The following EVI5 variants were observed in gnomAD, a reference collection of about 807,000 sequenced individuals.
EVI5 encodes the protein ecotropic viral integration site 5 protein homolog.
EVI5 carries 73 observed loss-of-function variants against 112.0 expected under a neutral mutation model. The ratio of observed to expected loss-of-function variants is 0.65; its 90% CI spans 0.54 to 0.79. The LOEUF is 0.79. Among genes scored for constraint, EVI5 ranks in the 30% least tolerant of loss-of-function variants. The probability of loss-of-function intolerance (pLI) is 0.00; values close to 1 mark genes in which losing one functional copy is unlikely to be tolerated. For synonymous variants in EVI5, 305 were observed against 319.9 expected, an observed-to-expected ratio of 0.95 and a Z score of 0.50; for missense variants, 900 against 968.8, an observed-to-expected ratio of 0.93 and a Z score of 0.94.
At chr1:92,743,801 AAC>A (rs1044910149) in intron 1 of EVI5, among the ~76,000 whole-genome samples, 44 of 152,238 alleles carry the variant, frequency 2.9e-4, no homozygotes, top group African/African-American at 8.9e-4. Flanking sequence ...TTTTAAAAGA[AAC>A]AGTTTTTCTT....
chr1:92,547,289 T>C lies in EVI5; in HGVS notation c.2166+16353A>G, dbSNP rs532638186. On this transcript the variant is annotated intron_variant, in intron 19 of 19. Transcript: ENST00000684568. ...AATGAAGGCAGAAATAAAGATGTTC[T>C]TTGAAACCAATGAGAACAAAGACAC... Among the ~76,000 whole-genome samples, 912 of 152,274 alleles carry C rather than the reference T, an allele frequency of 6.0e-3. 8 individuals carry two copies. Among genetic ancestry groups the C allele is most frequent in the African/African-American group, 0.02 (851 of 41,528 alleles).
At chr1:92,539,112 C>T (rs180741459) in intron 19 of EVI5, among the ~76,000 whole-genome samples, 3 of 152,270 alleles carry the variant, frequency 2.0e-5, no homozygotes, top group Admixed American at 2.0e-4. Context: ...TTATTTAGCC[C>T]TTACTATGTC....
intron 1 of EVI5, among the ~76,000 whole-genome samples, chr1:92,765,404 AGCT>A (rs552340213): frequency 6.6e-6 from 1 of 151,368 alleles, no homozygotes; most frequent in Non-Finnish European, 1.5e-5. Context: ...AAATTAATAT[AGCT>A]GCTATTTATA....
chr1:92,770,865 G>A (rs961757367), intron 1 of EVI5, among the ~76,000 whole-genome samples: 2 of 151,642 alleles, frequency 1.3e-5, no homozygotes, highest in Non-Finnish European at 1.5e-5. Context: ...ACCCAAACTG[G>A]AATGTAATGG....
intron 5 of EVI5, among the ~76,000 whole-genome samples, chr1:92,701,686 T>TGC (rs1182257403): frequency 6.6e-6 from 1 of 151,982 alleles, no homozygotes; most frequent in Non-Finnish European, 1.5e-5. Flanking sequence ...AGTGGCTGAG[T>TGC]ACCACTATTT....
intron 18 of EVI5, among the ~76,000 whole-genome samples, chr1:92,582,190 A>G (rs1264044851): frequency 1.3e-5 from 2 of 152,218 alleles, no homozygotes; most frequent in Non-Finnish European, 2.9e-5. Context: ...ACAGTGGTTA[A>G]GTATTTGTGT....
intron 19 of EVI5, among the ~76,000 whole-genome samples, chr1:92,553,806 T>C (rs928057623): frequency 7.2e-5 from 11 of 152,196 alleles, no homozygotes; most frequent in Admixed American, 7.2e-4. Context: ...AAGAAATACA[T>C]GGAGAAACAT....
rs1418005963 is a variant in EVI5 at position 92,516,566 on chromosome 1, A to C, written c.2167-2596T>G. Among the ~76,000 whole-genome samples, 3 of 152,172 alleles carry C rather than the reference A, an allele frequency of 2.0e-5. No homozygotes were observed. The East Asian group carries it at 5.8e-4, about 29-fold the overall frequency. Reference sequence around the variant, plus strand: ...TTAGACTTAGGTGTGTGCACACTGGATCTGATGAGGGAGGAGTCCTGTACT... The same window carrying C: ...TTAGACTTAGGTGTGTGCACACTGGCTCTGATGAGGGAGGAGTCCTGTACT... On this transcript the variant is annotated intron_variant, in intron 19 of 19. Transcript: ENST00000684568.
chr1:92,770,721 T>C (rs1489675669), intron 1 of EVI5, among the ~76,000 whole-genome samples: 3 of 150,980 alleles, frequency 2.0e-5, no homozygotes, highest in East Asian at 2.0e-4. Flanking sequence ...ACCCGGGAGG[T>C]GGAGGTTGCA....
chr1:92,682,211 T>A (rs749779868), intron 9 of EVI5, among the ~76,000 whole-genome samples: 4 of 152,116 alleles, frequency 2.6e-5, no homozygotes, highest in Admixed American at 1.3e-4. Flanking sequence ...CCCCAGATAA[T>A]CCCATGACTC....
chr1:92,529,832 GTT>G (rs1662544161), intron 19 of EVI5, among the ~76,000 whole-genome samples: 2 of 152,060 alleles, frequency 1.3e-5, no homozygotes, highest in South Asian at 4.2e-4. Flanking sequence ...TTAAAATAAT[GTT>G]TATAGTATTT....
At chr1:92,685,374 A>C (rs1468055943) in intron 9 of EVI5, among the ~76,000 whole-genome samples, 1 of 152,220 alleles carries the variant, frequency 6.6e-6, no homozygotes, top group Admixed American at 6.5e-5. Flanking sequence ...AACACAATGT[A>C]CCAGAATCTC....
At chr1:92,662,654 A>G in intron 13 of EVI5, 65 bp downstream of exon 13, 6 of 875,794 alleles carry the variant, frequency 6.9e-6, no homozygotes, top group Non-Finnish European at 8.6e-6. Context: ...CTGTGCTATG[A>G]AAAAAAAAAT....
intron 19 of EVI5, among the ~76,000 whole-genome samples, chr1:92,535,932 T>TA (rs1179858788): frequency 6.6e-6 from 1 of 151,862 alleles, no homozygotes; most frequent in African/African-American, 2.4e-5. Context: ...AAGCCCTAGG[T>TA]ACTAATTATT....
intron 2 of EVI5, among the ~76,000 whole-genome samples, chr1:92,715,903 G>A (rs1673579954): frequency 6.6e-6 from 1 of 152,166 alleles, no homozygotes; most frequent in Admixed American, 6.5e-5. Flanking sequence ...CAGCCTGGCA[G>A]GTGGAGGGAC....
At chr1:92,576,182 T>G (rs543108907) in intron 18 of EVI5, among the ~76,000 whole-genome samples, 1 of 152,322 alleles carries the variant, frequency 6.6e-6, no homozygotes, top group South Asian at 2.1e-4. Context: ...TGACATGTAT[T>G]CTACCTTAGA....
chr1:92,605,511 GT>G (rs1277122644), intron 17 of EVI5, 109 bp from the exon 18 acceptor site: 5 of 687,534 alleles, frequency 7.3e-6, no homozygotes, highest in Non-Finnish European at 1.3e-5. Flanking sequence ...ATCTAGCAGG[GT>G]CTAAGGCAGC....
intron 1 of EVI5, among the ~76,000 whole-genome samples, chr1:92,761,869 A>G (rs1570827772): frequency 6.6e-6 from 1 of 152,276 alleles, no homozygotes; most frequent in African/African-American, 2.4e-5. Flanking sequence ...TTAACAGGTT[A>G]TAAGAATTGT....
At chr1:92,635,697 G>A (rs533526311) in intron 14 of EVI5, among the ~76,000 whole-genome samples, 31 of 152,252 alleles carry the variant, frequency 2.0e-4, no homozygotes, top group Non-Finnish European at 3.5e-4. Context: ...AGATGCACCT[G>A]GTACGGCAGT....
Sources: gnomAD v4.1 joint callset for allele counts (sites outside exome capture counted in the v4.1 genomes callset) on GRCh38, gnomAD v4.1.1 for gene constraint, MANE v1.5 for transcripts, NCBI Gene and HGNC (gene_info 2026-07-23, HGNC 2026-07-21) for gene names.